Variants in ACAP3 observed in about 807,000 individuals in gnomAD.
The protein encoded by ACAP3 is ArfGAP with coiled-coil, ankyrin repeat and PH domains 3, also known as arf-GAP with coiled-coil, ANK repeat and PH domain-containing protein 3.
A neutral mutation model predicts 104.1 loss-of-function variants in ACAP3; 56 were observed. That is an observed-to-expected ratio of 0.54 (90% CI 0.43 to 0.67). The LOEUF (loss-of-function observed/expected upper bound fraction) is 0.67, where lower values mean the gene tolerates loss of function less well. ACAP3 is among the 30% of genes least tolerant of loss of function. The pLI is 0.00. For missense variants in ACAP3, 1,208 were observed against 1,174.9 expected (o/e 1.03, Z -0.41); for synonymous variants, 628 against 496.2 (o/e 1.27, Z -3.53).
chr1:1,305,274 G>C (rs1186890844), intron 1 of ACAP3: 1 of 152,802 alleles, frequency 6.5e-6, no homozygotes, highest in Non-Finnish European at 1.5e-5. Context: ...TCCCGAAGCA[G>C]GGGGCGATGG....
At chr1:1,304,405 A>AGCC (rs1641592761) in intron 1 of ACAP3, 10 of 566,160 alleles carry the variant, frequency 1.8e-5, no homozygotes, top group Non-Finnish European at 2.8e-5. Flanking sequence ...CTCCCAGGAC[A>AGCC]GCCGGCCGCT....
At chr1:1,294,873 G>A (rs1641047983) in intron 19 of ACAP3, 57 bp from the exon 20 acceptor site, 2 of 1,521,676 alleles carry the variant, frequency 1.3e-6, no homozygotes, top group Non-Finnish European at 1.8e-6. Context: ...TCCGTCCAGA[G>A]CCCTGGGGCA....
Position 1,307,332 on chromosome 1 carries a change from C to T in ACAP3, c.47+437G>A, listed in dbSNP as rs1401811198. 3.1e-6 allele frequency: 4 copies of T among 1,289,544 alleles called. No individual in the cohort carries two copies. The East Asian group carries it at 1.7e-4, about 54-fold the overall frequency. 79.9% of individuals were successfully genotyped at this position (1,289,544 alleles called of 1,614,324 possible). A position where few individuals can be genotyped will look rare whatever the true frequency, so the allele number is the denominator to read the frequency against. ...CAAACCACTTCACGTTTCCAAGCAC[C>T]CTACCCCAGGCCTTAAACGCGGCTC... On this transcript the variant is annotated intron_variant, in intron 1 of 23. Coordinates refer to ENST00000354700, the MANE Select transcript of ACAP3 (RefSeq NM_030649.3).
At position 1,297,899 on chromosome 1, in the gene ACAP3, G is replaced by T; in HGVS notation, c.1051C>A (p.Arg351=). 3 of 1,612,022 alleles carry T rather than the reference G, an allele frequency of 1.9e-6. No individual in the cohort carries two copies. The highest frequency in any genetic ancestry group is 2.5e-6 in the Non-Finnish European group (3 of 1,179,504). ...TGCACAGCCTGGACCCAGGCTTGCC[G>T]CAGCTTCTCGGAGTCAGCCTGCAGC... ...CMLQADSEKL[R]QAWVQAVQAS... Residue 351 remains arginine, a synonymous_variant, in exon 14 of 24, where the codon CGG becomes AGG. Coordinates refer to ENST00000354700, the MANE Select transcript of ACAP3 (RefSeq NM_030649.3).
rs1189395382 is a variant in ACAP3, at chr1:1,293,665, C to G, written c.2404G>C (p.Ala802Pro). The change falls in exon 24 of 24, where the codon GCT becomes CCT. Residue 802 changes from alanine to proline, a missense_variant. Ala to Pro is a conservative substitution (Grantham distance 27). Coordinates refer to ENST00000354700, the MANE Select transcript of ACAP3 (RefSeq NM_030649.3). ...AGGGCGCCCGGGGGACCAGGGGCAG[C>G]CTCGGCCTCGCGCATTTCCTCCGCC... ...RMAEEMREAEAAPGPPGALAG... is the reference protein window; with the variant it reads ...RMAEEMREAEPAPGPPGALAG... 1 of 1,455,740 alleles carries G rather than the reference C, an allele frequency of 6.9e-7. No homozygotes were observed. The highest frequency in any genetic ancestry group is 1.6e-5 in the African/African-American group (1 of 63,612). The allele number at this position is 1,455,740 out of a possible 1,614,324, so 90.2% of individuals were successfully genotyped here.
chr1:1,299,737 G>A (rs756362395), intron 9 of ACAP3, 94 bp downstream of exon 9: 2 of 1,372,240 alleles, frequency 1.5e-6, no homozygotes, highest in Non-Finnish European at 2.0e-6. Context: ...AGACAGGCAG[G>A]AGGAAGGGGC....
Position 1,300,013 on chromosome 1 carries a change from A to G in ACAP3, c.623T>C (p.Leu208Pro). ...SSFFQQGYSLLHQLDPYMKKL... is the reference protein window; with the variant it reads ...SSFFQQGYSLPHQLDPYMKKL... ...CTTCATGTAGGGGTCCAGCTGGTGC[A>G]GGAGGCTGTAGCCCTGCTGGAAGAA... is the stretch of plus-strand genomic sequence containing the variant. The change falls in exon 8 of 24, where the codon CTG becomes CCG. Residue 208 changes from leucine (L) to proline (P), a missense_variant. By Grantham distance (98) the Leu-to-Pro change is moderately conservative. Transcript: ENST00000354700. 1 of 1,612,490 alleles carries G rather than the reference A, an allele frequency of 6.2e-7. No homozygotes were observed. The highest frequency in any genetic ancestry group is 8.5e-7 in the Non-Finnish European group (1 of 1,179,838).
At chr1:1,296,351 G>GCCTGGC in intron 15 of ACAP3, 71 bp from the exon 16 acceptor site, 1 of 1,534,670 alleles carries the variant, frequency 6.5e-7, no homozygotes, top group Non-Finnish European at 8.7e-7. Context: ...CCCACCCCCG[G>GCCTGGC]CCTGGCCCTC....
At chr1:1,299,759 G>C in intron 9 of ACAP3, 72 bp downstream of exon 9, 1 of 1,459,606 alleles carries the variant, frequency 6.9e-7, no homozygotes, top group Non-Finnish European at 9.2e-7. Context: ...GGGAGGGTGT[G>C]CCGGGCATGG....
intron 11 of ACAP3, 41 bp from the exon 12 acceptor site, chr1:1,298,462 T>G: frequency 6.3e-7 from 1 of 1,593,418 alleles, no homozygotes; most frequent in Non-Finnish European, 8.5e-7. Context: ...GCGGGGCCCA[T>G]CCCAGGGCTG....
chr1:1,307,397 C>G, intron 1 of ACAP3: 1 of 1,291,142 alleles, frequency 7.7e-7, no homozygotes, highest in South Asian at 1.2e-5. Context: ...GACACAGGAT[C>G]AAGTCAGAGA....
In ACAP3 at chr1:1,292,598, T is replaced by C. The variant is rs1285678232; in HGVS notation, c.*966A>G. 1 of 152,220 alleles carries C rather than the reference T, an allele frequency of 6.6e-6. No individual in the cohort carries two copies. The highest frequency in any genetic ancestry group is 1.9e-4 in the East Asian group (1 of 5,180). 9.4% of individuals were successfully genotyped at this position (152,220 alleles called of 1,614,324 possible). A position where few individuals can be genotyped will look rare whatever the true frequency, so the allele number is the denominator to read the frequency against. On this transcript the variant is annotated 3_prime_UTR_variant, in exon 24 of 24. Transcript: ENST00000354700. The stretch of plus-strand genomic sequence containing the variant: ...GGAGCCTCCCCAGGGCAGCATTGCA[T>C]AGTGACCAGCCGACTGGCCTTAGCC...
At chr1:1,293,975 G>A in intron 22 of ACAP3, 42 bp from the exon 23 acceptor site, 1 of 1,497,786 alleles carries the variant, frequency 6.7e-7, no homozygotes, top group Admixed American at 2.1e-5. Flanking sequence ...GCGGGGCGGG[G>A]CGGGGCGAGT....
In ACAP3 at chr1:1,302,913, C is replaced by T. The variant is rs377037750; in HGVS notation, c.279+9G>A. ...CACAGCCCACAGGTGGCAGGGAGGC[C>T]GCGCTCACCATGTGGTAGTTCACCA... On this transcript the variant is annotated intron_variant, in intron 4 of 23. Coordinates refer to ENST00000354700, the MANE Select transcript of ACAP3 (RefSeq NM_030649.3). 3.2e-5 allele frequency: 51 copies of T among 1,609,970 alleles called. No individual in the cohort carries two copies. Among genetic ancestry groups the T allele is most frequent in the African/African-American group, 2.0e-4 (15 of 74,768 alleles).
intron 1 of ACAP3, 43 bp from the exon 2 acceptor site, chr1:1,304,186 G>A (rs1641579184): frequency 6.5e-7 from 1 of 1,549,306 alleles, no homozygotes; most frequent in Non-Finnish European, 8.7e-7. Flanking sequence ...TGCAGCCTCA[G>A]CCCCCTCGGG....
intron 21 of ACAP3, 85 bp from the exon 22 acceptor site, chr1:1,294,284 C>A: frequency 6.6e-7 from 1 of 1,513,360 alleles, no homozygotes; most frequent in Non-Finnish European, 8.9e-7. Context: ...TTGGGCGCCC[C>A]CAGCCGGGAC....
In ACAP3 at chr1:1,298,067, T is replaced by G. The variant is rs764776892; in HGVS notation, c.962A>C (p.Lys321Thr). ...CCTCCGCTCGATGTCCTCACACGGCTTCACAGAGCACAGGCGGAGGTCATC... is the reference window on the plus strand; with the variant it reads ...CCTCCGCTCGATGTCCTCACACGGCGTCACAGAGCACAGGCGGAGGTCATC... The part of the protein sequence containing the change: ...VVDDLRLCSV[K>T]PCEDIERRFC... Residue 321 changes from lysine to threonine, a missense_variant, in exon 13 of 24, where the codon AAG (lysine) becomes ACG (threonine). By Grantham distance (78) the Lys-to-Thr change is moderately conservative (BLOSUM62 -1). Transcript: ENST00000354700. 6.2e-7 allele frequency: 1 copy of G among 1,611,152 alleles called. No individual in the cohort carries two copies. Among genetic ancestry groups the G allele is most frequent in the East Asian group, 2.2e-5 (1 of 44,794 alleles).
At chr1:1,302,127 G>GGGCAC in intron 4 of ACAP3, 81 bp from the exon 5 acceptor site, 1 of 1,262,842 alleles carries the variant, frequency 7.9e-7, no homozygotes, top group South Asian at 2.1e-5. Context: ...CACCAGCAGA[G>GGGCAC]GGCACTGCCC....
Position 1,295,473 on chromosome 1 carries a change from G to T in ACAP3, c.1787C>A (p.Ala596Glu). The T allele has an allele frequency of 6.2e-7, 1 of 1,612,612 alleles. No individual in the cohort carries two copies. The highest frequency in any genetic ancestry group is 8.5e-7 in the Non-Finnish European group (1 of 1,179,880). ...GCGAGGGCCAGCCCCTGCGGCCCCT[G>T]CGTCGAAGTAGGAGAAGAGCGAGTC... ...ELDSLFSYFD[A>E]GAAGAGPRSL... The change falls in exon 19 of 24, where the codon GCA (alanine) becomes GAA (glutamate). Residue 596 changes from alanine to glutamate, a missense_variant. Transcript: ENST00000354700.
Sources: allele counts gnomAD v4.1 joint callset, GRCh38; gene constraint gnomAD v4.1.1; transcripts MANE v1.5; gene names NCBI Gene and HGNC (gene_info 2026-07-23, HGNC 2026-07-21).